Variants in CYP4A11 observed in about 807,000 individuals in gnomAD.
The protein encoded by CYP4A11 is cytochrome P450 family 4 subfamily A member 11.
CYP4A11 carries 52 observed loss-of-function variants against 57.7 expected under a neutral mutation model. The ratio of observed to expected loss-of-function variants is 0.90; its 90% CI spans 0.72 to 1.14. The LOEUF is 1.14. CYP4A11 is among the 50% of genes most tolerant of loss of function. The probability of loss-of-function intolerance (pLI) is 0.00; values close to 1 mark genes in which losing one functional copy is unlikely to be tolerated. For synonymous variants in CYP4A11, 228 were observed against 247.1 expected, an observed-to-expected ratio of 0.92 and a Z score of 0.72; for missense variants, 641 against 642.1, an observed-to-expected ratio of 1.00 and a Z score of 0.02.
In CYP4A11 at chr1:46,938,095, C is replaced by G. The variant is rs145173494; in HGVS notation, c.238G>C (p.Glu80Gln). The stretch of plus-strand genomic sequence containing the variant: ...TGAGGACAGGCACTTGGGAATGTCT[C>G]CACCCATTTCTGAATCCGTTGTAGC... ...QELQRIQKWV[E>Q]TFPSACPHWL... The change falls in exon 2 of 12, where the codon GAG becomes CAG. Residue 80 changes from glutamate to glutamine, a missense_variant. By Grantham distance (29) the Glu-to-Gln change is conservative (BLOSUM62 2). Coordinates refer to ENST00000310638, the MANE Select transcript of CYP4A11 (RefSeq NM_000778.4). The G allele has an allele frequency of 6.2e-7, 1 of 1,614,168 alleles. No homozygotes were observed. The highest frequency in any genetic ancestry group is 1.3e-5 in the African/African-American group (1 of 75,052).
chr1:46,931,621 C>T (rs1570052923), intron 11 of CYP4A11: 5 of 685,638 alleles, frequency 7.3e-6, no homozygotes, highest in Non-Finnish European at 9.0e-6. Context: ...GGAATGCTCT[C>T]CAGTTCTCTA....
At chr1:46,940,717 C>T (rs1215869190) in intron 1 of CYP4A11, 1 of 985,310 alleles carries the variant, frequency 1.0e-6, no homozygotes, top group Non-Finnish European at 1.2e-6. Flanking sequence ...CAGATCTCTG[C>T]CTCAGATATC....
At position 46,935,604 on chromosome 1, in the gene CYP4A11, A is replaced by G. The variant is rs1681337531; in HGVS notation, c.554T>C (p.Val185Ala). Residue 185 changes from valine (V) to alanine (A), a missense_variant, in exon 5 of 12, where the codon GTC (valine) becomes GCC (alanine). Physicochemically the swap from Val to Ala is moderately conservative, Grantham distance 64 (BLOSUM62 0). Transcript: ENST00000310638. Reference sequence around the variant, plus strand: ...GGTCATCAAGGAGACGTGCTGAAAGACCTCCAGAGGGGAATCCTGGCCAAG... The same window carrying G: ...GGTCATCAAGGAGACGTGCTGAAAGGCCTCCAGAGGGGAATCCTGGCCAAG... The part of the protein sequence containing the change: ...ELLGQDSPLE[V>A]FQHVSLMTLD... 4 of 1,613,760 alleles carry G rather than the reference A, an allele frequency of 2.5e-6. No homozygotes were observed. The highest frequency in any genetic ancestry group is 2.5e-6 in the Non-Finnish European group (3 of 1,179,804).
At position 46,936,793 on chromosome 1, in the gene CYP4A11, T is replaced by C; in HGVS notation, c.383-2A>G. Reference sequence around the variant, plus strand: ...CATTCAACAGGAGCAAGCCGTACCCTAAGAGAGACATGAATGTGTGTTTGT... The same window carrying C: ...CATTCAACAGGAGCAAGCCGTACCCCAAGAGAGACATGAATGTGTGTTTGT... On this transcript the variant is annotated splice_acceptor_variant, in intron 3 of 11. Coordinates refer to ENST00000310638, the MANE Select transcript of CYP4A11 (RefSeq NM_000778.4). LOFTEE classifies it high-confidence loss of function. The C allele has an allele frequency of 6.3e-7, 1 of 1,599,292 alleles. No individual in the cohort carries two copies. Among genetic ancestry groups the C allele is most frequent in the Non-Finnish European group, 8.5e-7 (1 of 1,175,370 alleles).
intron 11 of CYP4A11, chr1:46,931,893 G>A: frequency 1.0e-6 from 1 of 970,432 alleles, no homozygotes. Flanking sequence ...AACCATTCTG[G>A]AGTTTTCCTC....
rs1557553896 is a variant in CYP4A11, at chr1:46,935,066, T to C, written c.724A>G (p.Ile242Val). 1.9e-6 allele frequency: 3 copies of C among 1,614,116 alleles called. No homozygotes were observed. Among genetic ancestry groups the C allele is most frequent in the East Asian group, 2.2e-5 (1 of 44,862 alleles). ...CGGCCAGCAGAGGTCAGGCTGTAGA[T>C]GGTGTCATTCTGGTGAAAGGCATTC... Reference protein sequence around the residue: ...VRNAFHQNDTIYSLTSAGRWT... With the variant: ...VRNAFHQNDTVYSLTSAGRWT... The change falls in exon 6 of 12, where the codon ATC (isoleucine) becomes GTC (valine). Residue 242 changes from isoleucine to valine, a missense_variant. By Grantham distance (29) the Ile-to-Val change is conservative. Transcript: ENST00000310638.
At chr1:46,938,317 C>T (rs367803714) in intron 1 of CYP4A11, among the ~76,000 whole-genome samples, 180 bp from the exon 2 acceptor site, 62 of 152,332 alleles carry the variant, frequency 4.1e-4, no homozygotes, top group South Asian at 8.3e-4. Context: ...TTAGGCCAAG[C>T]GCTATGAGCC....
At chr1:46,934,673 G>A (rs1681266005) in intron 6 of CYP4A11, 114 bp from the exon 7 acceptor site, 1 of 1,099,236 alleles carries the variant, frequency 9.1e-7, no homozygotes, top group African/African-American at 1.6e-5. Context: ...ATGAATGTGA[G>A]TGTGGGTGCA....
chr1:46,938,100 C>T lies in CYP4A11; in HGVS notation c.233G>A (p.Trp78Ter). 6.2e-7 allele frequency: 1 copy of T among 1,614,248 alleles called. No homozygotes were observed. The highest frequency in any genetic ancestry group is 8.5e-7 in the Non-Finnish European group (1 of 1,180,050). ...QDQELQRIQK[W>*]VETFPSACPH... The stretch of plus-strand genomic sequence containing the variant: ...ACAGGCACTTGGGAATGTCTCCACC[C>T]ATTTCTGAATCCGTTGTAGCTCCTG... Residue 78 changes from tryptophan (W) to a stop codon, truncating the protein, a stop_gained, in exon 2 of 12, where the codon TGG (tryptophan) becomes TAG (stop). Coordinates refer to ENST00000310638, the MANE Select transcript of CYP4A11 (RefSeq NM_000778.4). LOFTEE classifies it high-confidence loss of function.
intron 10 of CYP4A11, 21 bp from the exon 11 acceptor site, chr1:46,932,858 C>G: frequency 6.2e-7 from 1 of 1,614,140 alleles, no homozygotes; most frequent in Non-Finnish European, 8.5e-7. Context: ...AGCACCAGAG[C>G]CAGGATAGTT....
rs1206750428 is a variant in CYP4A11 at position 46,937,472 on chromosome 1, A to G, written c.338-126T>C. 1.2e-5 allele frequency: 11 copies of G among 945,270 alleles called. No homozygotes were observed. The East Asian group carries it at 2.7e-4, about 23-fold the overall frequency. 58.6% of individuals were successfully genotyped at this position (945,270 alleles called of 1,614,324 possible). On this transcript the variant is annotated intron_variant, in intron 2 of 11. Coordinates refer to ENST00000310638, the MANE Select transcript of CYP4A11 (RefSeq NM_000778.4). ...CCATGTCACCTCCCACTTGACTCCC[A>G]TCCACTTCTATTTCTGTCCTGAAGG... is the stretch of plus-strand genomic sequence containing the variant.
At chr1:46,930,940 C>T (rs751309757) in intron 11 of CYP4A11, among the ~76,000 whole-genome samples, 4 of 152,206 alleles carry the variant, frequency 2.6e-5, no homozygotes, top group Non-Finnish European at 5.9e-5. Context: ...TCTAATTCTA[C>T]TCCAGAAACA....
Position 46,932,510 on chromosome 1 carries a change from T to C in CYP4A11, c.1364+251A>G, listed in dbSNP as rs1468663655. On this transcript the variant is annotated intron_variant, in intron 11 of 11. Transcript: ENST00000310638. ...CATGAATATACTGAAGTTTGGAACA[T>C]GCACTGACAGTGAATTCAGGCTGCC... 46 of 1,387,066 alleles carry C rather than the reference T, an allele frequency of 3.3e-5. 1 individual carries two copies. The South Asian group carries it at 5.1e-4, about 16-fold the overall frequency. The allele number at this position is 1,387,066 out of a possible 1,614,324, so 85.9% of individuals were successfully genotyped here. A position where few individuals can be genotyped will look rare whatever the true frequency, so the allele number is the denominator to read the frequency against.
chr1:46,938,416 A>T (rs762442472), intron 1 of CYP4A11, among the ~76,000 whole-genome samples: 3 of 152,238 alleles, frequency 2.0e-5, no homozygotes, highest in Non-Finnish European at 2.9e-5. Context: ...AACAATTTCC[A>T]TGGGCAATGT....
intron 5 of CYP4A11, 26 bp from the exon 6 acceptor site, chr1:46,935,180 T>C (rs12760093): frequency 1.0e-4 from 164 of 1,607,644 alleles, no homozygotes; most frequent in Admixed American, 7.5e-4. Flanking sequence ...AAGAAGGGAC[T>C]GCAGTAGGGG....
intron 11 of CYP4A11, chr1:46,931,421 G>A (rs9333060): frequency 1.7e-6 from 1 of 582,852 alleles, no homozygotes; most frequent in Non-Finnish European, 2.2e-6. Context: ...CTGGAGCACA[G>A]GATATATTTC....
rs759570081 is a variant in CYP4A11 at position 46,932,852 on chromosome 1, C to T, written c.1288-15G>A. 4 of 1,614,160 alleles carry T rather than the reference C, an allele frequency of 2.5e-6. No homozygotes were observed. The highest frequency in any genetic ancestry group is 3.4e-6 in the Non-Finnish European group (4 of 1,180,022). On this transcript the variant is annotated splice_polypyrimidine_tract_variant and intron_variant, in intron 10 of 11. Transcript: ENST00000310638. The stretch of plus-strand genomic sequence containing the variant: ...GGGTCAAACACCTGCAGAGAGAGCA[C>T]CAGAGCCAGGATAGTTAAGGATCCA...
At position 46,930,329 on chromosome 1, in the gene CYP4A11, A is replaced by T; in HGVS notation, c.1365-19T>A. The T allele has an allele frequency of 6.2e-7, 1 of 1,603,378 alleles. No homozygotes were observed. The highest frequency in any genetic ancestry group is 8.5e-7 in the Non-Finnish European group (1 of 1,173,818). ...GCAGTTCCTGGGCCAGGTGGAGATA[A>T]TGAATTGAGAAGTGTCCTCAGGCCC... On this transcript the variant is annotated intron_variant, in intron 11 of 11. Coordinates refer to ENST00000310638, the MANE Select transcript of CYP4A11 (RefSeq NM_000778.4).
rs1159495963 is a variant in CYP4A11, at chr1:46,929,463, C to G, written c.*652G>C. On this transcript the variant is annotated 3_prime_UTR_variant, in exon 12 of 12. Coordinates refer to ENST00000310638, the MANE Select transcript of CYP4A11 (RefSeq NM_000778.4). ...CTAAGGATGGAGGCTGTGAAGGCCC[C>G]GAGCTCTGGAAGTGCAGATTATTTA... 6 of 148,764 alleles carry G rather than the reference C, an allele frequency of 4.0e-5. No homozygotes were observed. Among genetic ancestry groups the G allele is most frequent in the African/African-American group, 1.5e-4 (6 of 40,418 alleles). The allele number at this position is 148,764 out of a possible 1,614,324, so 9.2% of individuals were successfully genotyped here.
Sources: allele counts gnomAD v4.1 joint callset (sites outside exome capture counted in the v4.1 genomes callset), GRCh38; gene constraint gnomAD v4.1.1; transcripts MANE v1.5; gene names NCBI Gene and HGNC (gene_info 2026-07-23, HGNC 2026-07-21).